CNGB3: variants seen among roughly 807,000 people sequenced by gnomAD.
The protein encoded by CNGB3 is cyclic nucleotide-gated channel beta-3.
In CNGB3, 86 loss-of-function variants were observed where a neutral mutation model predicts 92.8. The ratio of observed to expected loss-of-function variants is 0.93; its 90% CI spans 0.78 to 1.11. CNGB3 has a LOEUF of 1.11. Among genes scored for constraint, CNGB3 ranks in the 50% least tolerant of loss-of-function variants. CNGB3 has a pLI of 0.00. For missense variants in CNGB3, 1,026 were observed against 956.8 expected, an observed-to-expected ratio of 1.07 and a Z score of -0.95; for synonymous variants, 333 against 332.7, an observed-to-expected ratio of 1.00 and a Z score of -0.01.
intron 8 of CNGB3, among the ~76,000 whole-genome samples, chr8:86,645,514 A>G (rs1485973468): frequency 6.6e-6 from 1 of 151,344 alleles, no homozygotes; most frequent in African/African-American, 2.4e-5. Context: ...GGTTGTGTGC[A>G]TACATGAGTT....
At chr8:86,640,199 TG>T (rs1823154241) in intron 10 of CNGB3, among the ~76,000 whole-genome samples, 1 of 152,134 alleles carries the variant, frequency 6.6e-6, no homozygotes, top group Non-Finnish European at 1.5e-5. Flanking sequence ...TATCAATTTT[TG>T]CTTTATGGTT....
At chr8:86,650,372 A>G (rs942869256) in intron 7 of CNGB3, among the ~76,000 whole-genome samples, 33 of 151,592 alleles carry the variant, frequency 2.2e-4, no homozygotes, top group Admixed American at 2.0e-3. Context: ...TGATCCAGCA[A>G]TCCCACTACT....
Position 86,611,595 on chromosome 8 carries a change from C to T in CNGB3, c.1655G>A (p.Cys552Tyr). The T allele has an allele frequency of 6.2e-7, 1 of 1,612,298 alleles. No homozygotes were observed. The highest frequency in any genetic ancestry group is 1.3e-5 in the African/African-American group (1 of 74,948). The change falls in exon 14 of 18, where the codon TGC becomes TAC. Residue 552 changes from cysteine to tyrosine, a missense_variant. By Grantham distance (194) the Cys-to-Tyr change is radical. Transcript: ENST00000320005. ...AAAATAGCATGCACTCACCTTTTTG[C>T]AGACAAAGTCACCAGGCAAATAGAG... ...SVLYLPGDFVCKKGEIGKEMY... is the reference protein window; with the variant it reads ...SVLYLPGDFVYKKGEIGKEMY...
At chr8:86,686,677 A>G (rs1824194714) in intron 3 of CNGB3, among the ~76,000 whole-genome samples, 1 of 151,982 alleles carries the variant, frequency 6.6e-6, no homozygotes, top group Non-Finnish European at 1.5e-5. Flanking sequence ...TGGGATTACT[A>G]TGGTTCCTAC....
intron 15 of CNGB3, among the ~76,000 whole-genome samples, chr8:86,589,442 T>A (rs1821974157): frequency 6.6e-6 from 1 of 151,448 alleles, no homozygotes; most frequent in Non-Finnish European, 1.5e-5. Context: ...GGGTGTCAAT[T>A]TTGGATCTTT....
chr8:86,576,262 T>C, intron 17 of CNGB3, 132 bp from the exon 18 acceptor site: 2 of 983,162 alleles, frequency 2.0e-6, no homozygotes, highest in Admixed American at 2.2e-5. Context: ...CCAGGAATCA[T>C]GTCTGCTTTG....
chr8:86,711,833 C>CTA (rs1421636634), intron 3 of CNGB3, among the ~76,000 whole-genome samples: 35 of 130,372 alleles, frequency 2.7e-4, no homozygotes, highest in African/African-American at 5.4e-4. Context: ...CTCTCTCTCT[C>CTA]TCTATATATA....
chr8:86,717,346 G>A (rs576907974), intron 3 of CNGB3, among the ~76,000 whole-genome samples: 142 of 152,198 alleles, frequency 9.3e-4, no homozygotes, highest in African/African-American at 3.2e-3. Flanking sequence ...AGGATCACTT[G>A]AGGTCAGGAG....
intron 3 of CNGB3, among the ~76,000 whole-genome samples, chr8:86,706,527 G>T (rs962598151): frequency 1.3e-5 from 2 of 152,172 alleles, no homozygotes; most frequent in African/African-American, 4.8e-5. Flanking sequence ...CCACCAGTTG[G>T]ATCTTAATCC....
intron 15 of CNGB3, among the ~76,000 whole-genome samples, chr8:86,590,246 A>G (rs1307883071): frequency 1.3e-5 from 2 of 151,762 alleles, no homozygotes; most frequent in Non-Finnish European, 2.9e-5. Flanking sequence ...TGCATGTGAG[A>G]TGGGTTTCCT....
chr8:86,671,995 C>A (rs553118271), intron 3 of CNGB3, among the ~76,000 whole-genome samples: 1 of 152,252 alleles, frequency 6.6e-6, no homozygotes, highest in East Asian at 1.9e-4. Flanking sequence ...ATATCTTCAA[C>A]TTTTATTTTT....
At chr8:86,623,968 A>T (rs567601120) in intron 13 of CNGB3, among the ~76,000 whole-genome samples, 1 of 152,278 alleles carries the variant, frequency 6.6e-6, no homozygotes, top group Non-Finnish European at 1.5e-5. Context: ...TCTTCCACAG[A>T]TGGTTGTGAT....
chr8:86,588,817 T>C (rs1185490175), intron 15 of CNGB3, among the ~76,000 whole-genome samples: 2 of 151,928 alleles, frequency 1.3e-5, no homozygotes, highest in Admixed American at 6.6e-5. Context: ...TTTGTGTCTC[T>C]GCCCGGCTTT....
intron 3 of CNGB3, among the ~76,000 whole-genome samples, chr8:86,706,127 C>G (rs1375604404): frequency 6.6e-6 from 1 of 152,120 alleles, no homozygotes; most frequent in Non-Finnish European, 1.5e-5. Context: ...CTTTAGTGAA[C>G]TTTTAAAAAT....
chr8:86,661,788 C>T, intron 6 of CNGB3: 1 of 1,586,800 alleles, frequency 6.3e-7, no homozygotes. Flanking sequence ...GCAGAGTTCA[C>T]ATATCAACCA....
intron 3 of CNGB3, among the ~76,000 whole-genome samples, chr8:86,689,029 T>C (rs910886644): frequency 4.7e-4 from 71 of 152,138 alleles, no homozygotes; most frequent in Non-Finnish European, 9.6e-4. Context: ...TTCTTTTTTT[T>C]TTTTATTAAC....
intron 10 of CNGB3, among the ~76,000 whole-genome samples, chr8:86,633,382 C>A (rs1563734347): frequency 6.6e-6 from 1 of 152,176 alleles, no homozygotes; most frequent in Non-Finnish European, 1.5e-5. Flanking sequence ...GCTTACCTCA[C>A]ATGTCTGATC....
chr8:86,700,895 C>A (rs941331035), intron 3 of CNGB3, among the ~76,000 whole-genome samples: 2 of 152,218 alleles, frequency 1.3e-5, no homozygotes, highest in African/African-American at 2.4e-5. Context: ...CAGCCTCAGC[C>A]TCCCAAAGTG....
chr8:86,605,620 T>G (rs1822397692), intron 14 of CNGB3, among the ~76,000 whole-genome samples: 1 of 152,228 alleles, frequency 6.6e-6, no homozygotes, highest in African/African-American at 2.4e-5. Context: ...TTAAAAATAT[T>G]TAGCCTACAT....
Sources: allele counts gnomAD v4.1 joint callset (sites outside exome capture counted in the v4.1 genomes callset), GRCh38; gene constraint gnomAD v4.1.1; transcripts MANE v1.5; gene names NCBI Gene and HGNC (gene_info 2026-07-23, HGNC 2026-07-21).